ACO2: variants seen among roughly 807,000 people sequenced by gnomAD.
The protein encoded by ACO2 is aconitate hydratase, mitochondrial.
Under a neutral mutation model 84.5 loss-of-function variants are expected in ACO2, and 31 were observed. The observed-to-expected ratio is 0.37, with a 90% CI of 0.28 to 0.50. The LOEUF (loss-of-function observed/expected upper bound fraction) is 0.50, where lower values mean the gene tolerates loss of function less well. ACO2 is among the 20% of genes least tolerant of loss of function. The pLI, the probability that ACO2 is intolerant of heterozygous loss-of-function variation, is 0.97. For missense variants in ACO2, 685 were observed against 1,029.3 expected, an observed-to-expected ratio of 0.67 and a Z score of 4.58; for synonymous variants, 414 against 412.7, an observed-to-expected ratio of 1.00 and a Z score of -0.04.
At chr22:41,510,829 G>A (rs1018286387) in intron 3 of ACO2, among the ~76,000 whole-genome samples, 2 of 152,140 alleles carry the variant, frequency 1.3e-5, no homozygotes, top group African/African-American at 2.4e-5. Context: ...TCATCATTTC[G>A]TTTGGCTGAA....
chr22:41,511,960 A>G lies in ACO2; in HGVS notation c.517A>G (p.Ile173Val), dbSNP rs764845246. ...VGFWKPGSGI[I>V]HQIILENYAY... ...CTTCTGGAAGCCTGGATCTGGAATC[A>G]TTCACCAGGTAAAGCTGGGCTCAGT... Residue 173 changes from isoleucine to valine, a missense_variant, in exon 4 of 18, where the codon ATT becomes GTT. Physicochemically the swap from Ile to Val is conservative, Grantham distance 29 (BLOSUM62 3). Transcript: ENST00000216254. 2.5e-6 allele frequency: 4 copies of G among 1,609,776 alleles called. No individual in the cohort carries two copies. The South Asian group carries it at 4.4e-5, about 18-fold the overall frequency.
intron 2 of ACO2, among the ~76,000 whole-genome samples, chr22:41,500,942 G>A (rs2066349938): frequency 2.0e-5 from 3 of 151,962 alleles, no homozygotes; most frequent in South Asian, 4.1e-4. Context: ...GACCTCAGGT[G>A]ATCCACCTGC....
In ACO2 at chr22:41,528,505, C is replaced by T; in HGVS notation, c.2235C>T (p.Pro745=). The T allele has an allele frequency of 6.2e-7, 1 of 1,612,532 alleles. No individual in the cohort carries two copies. The highest frequency in any genetic ancestry group is 8.5e-7 in the Non-Finnish European group (1 of 1,180,030). ...GKPLKCIIKH[P]NGTQETILLN... The stretch of plus-strand genomic sequence containing the variant: ...CCCTGAAGTGCATCATCAAGCACCC[C>T]AACGGGACCCAGGAGACCATCCTCC... Residue 745 remains proline (P), a synonymous_variant, in exon 18 of 18, where the codon CCC becomes CCT. Coordinates refer to ENST00000216254, the MANE Select transcript of ACO2 (RefSeq NM_001098.3).
intron 4 of ACO2, among the ~76,000 whole-genome samples, chr22:41,513,403 CCTTGATGT>C (rs1200436238): frequency 2.0e-5 from 3 of 152,218 alleles, no homozygotes; most frequent in African/African-American, 4.8e-5. Context: ...TTTCTTCCCG[CCTTGATGT>C]CACGTCTTCA....
Position 41,516,571 on chromosome 22 carries a change from G to A in ACO2, c.835+654G>A, listed in dbSNP as rs1042804483. On this transcript the variant is annotated intron_variant, in intron 6 of 17. Coordinates refer to ENST00000216254, the MANE Select transcript of ACO2 (RefSeq NM_001098.3). ...AGTGATGGGGGCTCACTCCTGCCACGGGACTGCTCAGTCAGGACGTTGGTA... is the reference window on the plus strand; with the variant it reads ...AGTGATGGGGGCTCACTCCTGCCACAGGACTGCTCAGTCAGGACGTTGGTA... Among the ~76,000 whole-genome samples, 17 of 152,166 alleles carry A rather than the reference G, an allele frequency of 1.1e-4. No homozygotes were observed. The East Asian group carries it at 3.1e-3, about 28-fold the overall frequency.
At chr22:41,524,361 CAG>C (rs2066557542) in intron 12 of ACO2, among the ~76,000 whole-genome samples, 1 of 152,232 alleles carries the variant, frequency 6.6e-6, no homozygotes, top group Non-Finnish European at 1.5e-5. Flanking sequence ...TTCCCGTGGC[CAG>C]AGTGAGCCTT....
intron 7 of ACO2, 41 bp from the exon 8 acceptor site, chr22:41,518,440 T>TA (rs1461555131): frequency 2.7e-6 from 4 of 1,504,026 alleles, no homozygotes; most frequent in Non-Finnish European, 3.7e-6. Flanking sequence ...AAGAACAGTT[T>TA]ATGTTTCACG....
At position 41,500,010 on chromosome 22, in the gene ACO2, A is replaced by G. The variant is rs574752170; in HGVS notation, c.173+148A>G. 389 of 1,000,810 alleles carry G rather than the reference A, an allele frequency of 3.9e-4. 4 individuals are homozygous for G. Among genetic ancestry groups the G allele is most frequent in the Middle Eastern group, 3.8e-3 (16 of 4,200 alleles). 62.0% of individuals were successfully genotyped at this position (1,000,810 alleles called of 1,614,324 possible). A position where few individuals can be genotyped will look rare whatever the true frequency, so the allele number is the denominator to read the frequency against. On this transcript the variant is annotated intron_variant, in intron 2 of 17. Coordinates refer to ENST00000216254, the MANE Select transcript of ACO2 (RefSeq NM_001098.3). ...AGGTACAAAGGTTTCTGCTGAGGAA[A>G]GGCATTCCAGATCAGTGGTGTAACT...
chr22:41,502,450 A>G (rs1403289942), intron 2 of ACO2, among the ~76,000 whole-genome samples: 4 of 152,164 alleles, frequency 2.6e-5, no homozygotes, highest in Non-Finnish European at 5.9e-5. Context: ...ACGAAGAACC[A>G]CTGTCCCTGT....
At chr22:41,514,274 G>A (rs2066459000) in intron 4 of ACO2, among the ~76,000 whole-genome samples, 1 of 152,164 alleles carries the variant, frequency 6.6e-6, no homozygotes, top group Non-Finnish European at 1.5e-5. Flanking sequence ...ATCCCCGGGT[G>A]GGGCACTAAC....
intron 12 of ACO2, among the ~76,000 whole-genome samples, chr22:41,524,193 C>T (rs766598999): frequency 2.0e-5 from 3 of 152,228 alleles, no homozygotes; most frequent in Non-Finnish European, 1.5e-5. Context: ...GCCTAGGACA[C>T]ATCCCAGCCC....
At chr22:41,469,221 G>C (rs751641182) in intron 1 of ACO2, 39 bp downstream of exon 1, 8 of 1,599,474 alleles carry the variant, frequency 5.0e-6, no homozygotes, top group Admixed American at 1.7e-5. Flanking sequence ...ACGGGGGCGG[G>C]GTGCCTCCTA....
intron 12 of ACO2, 98 bp downstream of exon 12, chr22:41,524,039 A>C (rs900773194): frequency 1.3e-5 from 14 of 1,062,472 alleles, no homozygotes; most frequent in Non-Finnish European, 1.8e-5. Flanking sequence ...GGGGTCATCC[A>C]AGTGGTAGCC....
chr22:41,498,416 C>T (rs1423415692), intron 1 of ACO2, among the ~76,000 whole-genome samples: 3 of 152,168 alleles, frequency 2.0e-5, no homozygotes, highest in African/African-American at 4.8e-5. Flanking sequence ...CAACAACAAG[C>T]ATTTATCTCA....
intron 10 of ACO2, 80 bp from the exon 11 acceptor site, chr22:41,523,125 C>T (rs769212302): frequency 3.1e-5 from 47 of 1,531,856 alleles, no homozygotes; most frequent in Middle Eastern, 1.7e-4. Context: ...TACAGCACTT[C>T]GTCCTGCAGC....
intron 1 of ACO2, among the ~76,000 whole-genome samples, chr22:41,477,764 C>T (rs542571553): frequency 6.6e-5 from 10 of 152,120 alleles, no homozygotes; most frequent in East Asian, 1.9e-4. Flanking sequence ...TTAGCTCATA[C>T]GTTTAAAAAA....
At position 41,495,880 on chromosome 22, in the gene ACO2, C is replaced by T. The variant is rs150586914; in HGVS notation, c.37-3846C>T. On this transcript the variant is annotated intron_variant, in intron 1 of 17. Transcript: ENST00000216254. ...CCTCCCAAAGTGCTGGGATTACAGG[C>T]GTGAGCCACCGCGCTCAGCCACAGT... Among the ~76,000 whole-genome samples the T allele has an allele frequency of 5.3e-4, 80 of 151,406 alleles. 2 individuals carry two copies. The East Asian group carries it at 0.014, about 27-fold the overall frequency.
At chr22:41,524,034 C>A in intron 12 of ACO2, 93 bp downstream of exon 12, 2 of 1,109,306 alleles carry the variant, frequency 1.8e-6, no homozygotes. Flanking sequence ...GGACTGGGGT[C>A]ATCCAAGTGG....
At chr22:41,523,339 T>C (rs1434017579) in intron 11 of ACO2, 61 bp downstream of exon 11, 2 of 1,342,444 alleles carry the variant, frequency 1.5e-6, no homozygotes, top group African/African-American at 1.5e-5. Flanking sequence ...GCCCCAGAAG[T>C]TGGAGGGGGA....
Sources: gnomAD v4.1 joint callset for allele counts (sites outside exome capture counted in the v4.1 genomes callset) on GRCh38, gnomAD v4.1.1 for gene constraint, MANE v1.5 for transcripts, NCBI Gene and HGNC (gene_info 2026-07-23, HGNC 2026-07-21) for gene names.